The following MIDEAS variants were observed in gnomAD, a reference collection of about 807,000 sequenced individuals.
MIDEAS encodes the protein mitotic deacetylase-associated SANT domain protein.
MIDEAS carries 26 observed loss-of-function variants against 102.7 expected under a neutral mutation model. That is an observed-to-expected ratio of 0.25 (90% CI 0.19 to 0.35). The LOEUF (loss-of-function observed/expected upper bound fraction) is 0.35, where lower values mean the gene tolerates loss of function less well. Ranked by LOEUF, MIDEAS falls within the 10% of genes least tolerant of loss-of-function variation. The pLI, the probability that MIDEAS is intolerant of heterozygous loss-of-function variation, is 1.00. For synonymous variants in MIDEAS, 585 were observed against 591.0 expected, an observed-to-expected ratio of 0.99 and a Z score of 0.15; for missense variants, 1,231 against 1,435.6, an observed-to-expected ratio of 0.86 and a Z score of 2.30.
At chr14:73,727,604 T>G (rs2053081722) in intron 4 of MIDEAS, 80 bp from the exon 5 acceptor site, 1 of 1,343,852 alleles carries the variant, frequency 7.4e-7, no homozygotes, top group Non-Finnish European at 1.0e-6. Flanking sequence ...GCCCTGTATG[T>G]GCAAGAGTCA....
At chr14:73,734,411 TTTTTG>T (rs1396545623) in intron 3 of MIDEAS, among the ~76,000 whole-genome samples, 3 of 152,060 alleles carry the variant, frequency 2.0e-5, no homozygotes, top group African/African-American at 2.4e-5. Flanking sequence ...GGGTTTTTTG[TTTTTG>T]TTTTGTTTTG....
upstream of MIDEAS, among the ~76,000 whole-genome samples, chr14:73,763,153 G>A (rs1243839044): frequency 2.0e-5 from 3 of 152,070 alleles, no homozygotes; most frequent in African/African-American, 7.2e-5. Context: ...CCTAGGCAAC[G>A]TGGCAAAACC....
chr14:73,771,327 G>A (rs144991697), intron 1 of MIDEAS, among the ~76,000 whole-genome samples: 2,486 of 152,174 alleles, frequency 0.016, 24 homozygotes, highest in Middle Eastern at 0.034. Context: ...GCATTCTGTC[G>A]GGCAGAGCTT....
At chr14:73,767,913 C>T (rs756572136) in intron 1 of MIDEAS, among the ~76,000 whole-genome samples, 1 of 152,012 alleles carries the variant, frequency 6.6e-6, no homozygotes, top group African/African-American at 2.4e-5. Context: ...AATCCCAACA[C>T]TCTGGGAGGC....
intron 1 of MIDEAS, among the ~76,000 whole-genome samples, chr14:73,778,219 G>A (rs2053709078): frequency 6.6e-6 from 1 of 151,874 alleles, no homozygotes; most frequent in Admixed American, 6.6e-5. Flanking sequence ...GCCGGGTGCG[G>A]CAGCACACAC....
chr14:73,751,854 C>T (rs759031666), intron 1 of MIDEAS, among the ~76,000 whole-genome samples: 26 of 152,260 alleles, frequency 1.7e-4, no homozygotes, highest in South Asian at 4.1e-4. Flanking sequence ...GAGCCAAGAT[C>T]GTACCACTGC....
In MIDEAS at chr14:73,721,600, C is replaced by T. The variant is rs143466467; in HGVS notation, c.2725-91G>A. On this transcript the variant is annotated intron_variant, in intron 10 of 12. Transcript: ENST00000423556. ...GACCCGGCCGGGGGGTTCACCAGCC[C>T]CAGCTAGTCCTGCTCGCCTGGCTGG... The T allele has an allele frequency of 8.9e-4, 1,032 of 1,157,804 alleles. 1 individual carries two copies. Among genetic ancestry groups the T allele is most frequent in the Non-Finnish European group, 1.1e-3 (834 of 782,352 alleles). The allele number at this position is 1,157,804 out of a possible 1,614,324, so 71.7% of individuals were successfully genotyped here.
At chr14:73,727,691 C>T (rs570637607) in intron 4 of MIDEAS, 167 bp from the exon 5 acceptor site, 23 of 610,412 alleles carry the variant, frequency 3.8e-5, no homozygotes, top group South Asian at 3.0e-4. Context: ...CCTACGAAAA[C>T]GCAGGCCCTT....
intron 1 of MIDEAS, among the ~76,000 whole-genome samples, chr14:73,771,372 G>A (rs563952663): frequency 3.3e-5 from 5 of 152,140 alleles, no homozygotes; most frequent in African/African-American, 9.7e-5. Context: ...AAGGTACGCC[G>A]GGGGCTCTCC....
At chr14:73,746,220 T>C (rs916679689) in intron 1 of MIDEAS, among the ~76,000 whole-genome samples, 16 of 152,196 alleles carry the variant, frequency 1.1e-4, no homozygotes, top group African/African-American at 3.9e-4. Flanking sequence ...AGGGTGTCCA[T>C]GGGAAGCTGG....
chr14:73,751,842 G>A (rs1394219219), intron 1 of MIDEAS, among the ~76,000 whole-genome samples: 2 of 152,208 alleles, frequency 1.3e-5, no homozygotes, highest in Admixed American at 1.3e-4. Flanking sequence ...AGAGGTTGCA[G>A]TGAGCCAAGA....
intron 1 of MIDEAS, among the ~76,000 whole-genome samples, chr14:73,752,037 G>C (rs1276237198): frequency 2.0e-5 from 3 of 152,116 alleles, no homozygotes; most frequent in Non-Finnish European, 2.9e-5. Context: ...CCCCCACTCA[G>C]GACACTGAGC....
chr14:73,743,268 T>G (rs966286254), intron 1 of MIDEAS, among the ~76,000 whole-genome samples: 1 of 152,188 alleles, frequency 6.6e-6, no homozygotes, highest in African/African-American at 2.4e-5. Flanking sequence ...CCCTTACCCC[T>G]GCCTGAACCT....
Position 73,739,243 on chromosome 14 carries a change from G to A in MIDEAS, c.766C>T (p.Gln256Ter). The change falls in exon 2 of 13, where the codon CAG becomes TAG. Residue 256 changes from glutamine (Q) to a stop codon, truncating the protein, a stop_gained. Transcript: ENST00000423556. LOFTEE classifies it high-confidence loss of function. ...QKQQQQQQPQQQQQQQQAALP... is the reference protein window; with the variant it reads ...QKQQQQQQPQ The stretch of plus-strand genomic sequence containing the variant: ...GCTGCCTGCTGCTGCTGCTGCTGCT[G>A]CTGTGGTTGCTGCTGCTGCTGCTGC... 6.2e-7 allele frequency: 1 copy of A among 1,612,002 alleles called. No individual in the cohort carries two copies. Among genetic ancestry groups the A allele is most frequent in the Non-Finnish European group, 8.5e-7 (1 of 1,179,486 alleles).
At chr14:73,720,183 G>A (rs1432326055) in intron 11 of MIDEAS, among the ~76,000 whole-genome samples, 2 of 151,718 alleles carry the variant, frequency 1.3e-5, no homozygotes, top group Non-Finnish European at 2.9e-5. Context: ...GCACACAGCC[G>A]TGTGTTTACA....
Position 73,718,823 on chromosome 14 carries a change from G to C in MIDEAS, c.*20C>G, listed in dbSNP as rs967582890. The C allele has an allele frequency of 1.4e-5, 20 of 1,419,548 alleles. No homozygotes were observed. The highest frequency in any genetic ancestry group is 1.2e-5 in the Non-Finnish European group (13 of 1,096,086). The allele number at this position is 1,419,548 out of a possible 1,614,324, so 87.9% of individuals were successfully genotyped here. On this transcript the variant is annotated 3_prime_UTR_variant, in exon 13 of 13. Transcript: ENST00000423556. ...CGGGAAGGGCCGAGGCCCAGGACTG[G>C]GCCAGCCTGGCTCCCGCGCTCAGCC...
At chr14:73,779,915 C>G (rs1312969474) in intron 1 of MIDEAS, among the ~76,000 whole-genome samples, 4 of 141,560 alleles carry the variant, frequency 2.8e-5, no homozygotes, top group African/African-American at 5.3e-5. Flanking sequence ...CTCTGTTGCC[C>G]AGGCTGGAGT....
At chr14:73,784,963 A>C (rs1365565473) in intron 1 of MIDEAS, among the ~76,000 whole-genome samples, 1 of 152,170 alleles carries the variant, frequency 6.6e-6, no homozygotes, top group Non-Finnish European at 1.5e-5. Context: ...AGGCTGCAAA[A>C]CAGCATTTTT....
At chr14:73,749,744 G>A (rs889927227) in intron 1 of MIDEAS, among the ~76,000 whole-genome samples, 3 of 152,106 alleles carry the variant, frequency 2.0e-5, no homozygotes, top group Admixed American at 6.5e-5. Context: ...ATCAATAACC[G>A]AAGGAAATTT....
Sources: gnomAD v4.1 joint callset for allele counts (sites outside exome capture counted in the v4.1 genomes callset) on GRCh38, gnomAD v4.1.1 for gene constraint, MANE v1.5 for transcripts, NCBI Gene and HGNC (gene_info 2026-07-23, HGNC 2026-07-21) for gene names.